The following MAPK10 variants were observed in gnomAD, a reference collection of about 807,000 sequenced individuals.
MAPK10 encodes mitogen-activated protein kinase 10.
In MAPK10, 25 loss-of-function variants were observed where a neutral mutation model predicts 59.3. The ratio of observed to expected loss-of-function variants is 0.42; its 90% CI spans 0.31 to 0.59. MAPK10 has a LOEUF of 0.59. Among genes scored for constraint, MAPK10 ranks in the 20% least tolerant of loss-of-function variants. MAPK10 has a pLI of 0.15. For synonymous variants in MAPK10, 190 were observed against 200.5 expected (o/e 0.95, Z 0.44); for missense variants, 351 against 568.9 (o/e 0.62, Z 3.90).
chr4:86,445,132 C>A (rs1003158102), intron 1 of MAPK10, among the ~76,000 whole-genome samples: 1 of 152,098 alleles, frequency 6.6e-6, no homozygotes, highest in South Asian at 2.1e-4. Context: ...ATGTTCATTG[C>A]AGCATTATTC....
At chr4:86,419,572 G>A (rs992389772) in intron 1 of MAPK10, among the ~76,000 whole-genome samples, 6 of 152,062 alleles carry the variant, frequency 3.9e-5, no homozygotes, top group African/African-American at 1.4e-4. Context: ...AAATTAAGTT[G>A]CTTCATCACT....
chr4:86,317,289 A>T (rs1436617313), intron 2 of MAPK10, among the ~76,000 whole-genome samples: 1 of 152,106 alleles, frequency 6.6e-6, no homozygotes, highest in Non-Finnish European at 1.5e-5. Flanking sequence ...TCAGCCTCCC[A>T]TGCATCTGAG....
chr4:86,010,869 C>A lies in MAPK10; in HGVS notation c.*6359G>T, dbSNP rs1196937785. On this transcript the variant is annotated 3_prime_UTR_variant, in exon 14 of 14. Coordinates refer to ENST00000641462, the MANE Select transcript of MAPK10 (RefSeq NM_138982.4). The stretch of plus-strand genomic sequence containing the variant: ...ACATTTTGTACCTGCTTTTGAGTTG[C>A]AAATGATCTGGACTGTTGGTTAAAC... 1.3e-5 allele frequency: 2 copies of A among 152,110 alleles called. No individual in the cohort carries two copies. 9.4% of individuals were successfully genotyped at this position (152,110 alleles called of 1,614,324 possible). A position where few individuals can be genotyped will look rare whatever the true frequency, so the allele number is the denominator to read the frequency against.
At chr4:86,315,472 T>G (rs936191588) in intron 2 of MAPK10, among the ~76,000 whole-genome samples, 3 of 152,120 alleles carry the variant, frequency 2.0e-5, no homozygotes, top group African/African-American at 7.2e-5. Flanking sequence ...GATGTGATTA[T>G]TATGCATTAC....
At chr4:86,361,780 G>A (rs1187304230), upstream of MAPK10, among the ~76,000 whole-genome samples, 3 of 152,056 alleles carry the variant, frequency 2.0e-5, no homozygotes, top group Non-Finnish European at 4.4e-5. Flanking sequence ...AATAAGCCAG[G>A]CACAGTGAGA....
intron 1 of MAPK10, among the ~76,000 whole-genome samples, chr4:86,509,691 T>C (rs141126044): frequency 6.6e-6 from 1 of 152,328 alleles, no homozygotes; most frequent in African/African-American, 2.4e-5. Context: ...GTGAGATTTA[T>C]TTAAAACCAA....
intron 1 of MAPK10, among the ~76,000 whole-genome samples, chr4:86,551,073 G>A (rs1252238340): frequency 6.6e-6 from 1 of 152,156 alleles, no homozygotes; most frequent in Non-Finnish European, 1.5e-5. Context: ...ACACAATAAT[G>A]CCACCCATAG....
intron 3 of MAPK10, among the ~76,000 whole-genome samples, chr4:86,188,987 C>T (rs1014455655): frequency 2.0e-5 from 3 of 152,150 alleles, no homozygotes; most frequent in South Asian, 2.1e-4. Context: ...CCAGTTTTCC[C>T]AACACCATTT....
At chr4:86,281,464 T>G (rs1367626560) in intron 2 of MAPK10, among the ~76,000 whole-genome samples, 1 of 151,864 alleles carries the variant, frequency 6.6e-6, no homozygotes, top group Admixed American at 6.6e-5. Context: ...TCACGTTCAC[T>G]GCACTCTAGA....
intron 2 of MAPK10, among the ~76,000 whole-genome samples, chr4:86,291,792 T>C (rs1330749233): frequency 6.6e-6 from 1 of 152,132 alleles, no homozygotes; most frequent in Non-Finnish European, 1.5e-5. Context: ...AAGGAAAAAA[T>C]GACTCATTTT....
chr4:86,405,462 T>A (rs1011429830), intron 1 of MAPK10, among the ~76,000 whole-genome samples: 1 of 152,202 alleles, frequency 6.6e-6, no homozygotes, highest in African/African-American at 2.4e-5. Flanking sequence ...GGTACCAGTA[T>A]AATTTGATTT....
At chr4:86,054,725 T>G (rs766388113) in intron 11 of MAPK10, among the ~76,000 whole-genome samples, 1 of 152,092 alleles carries the variant, frequency 6.6e-6, no homozygotes, top group South Asian at 2.1e-4. Context: ...CTACTTAGAG[T>G]TCAACTCCAC....
At chr4:86,338,104 C>G (rs1318604406) in intron 2 of MAPK10, among the ~76,000 whole-genome samples, 1 of 152,092 alleles carries the variant, frequency 6.6e-6, no homozygotes, top group Non-Finnish European at 1.5e-5. Flanking sequence ...CCCCACTTCC[C>G]CTCCCACACA....
intron 2 of MAPK10, among the ~76,000 whole-genome samples, chr4:86,196,963 C>T (rs1419699912): frequency 6.6e-6 from 1 of 152,084 alleles, no homozygotes; most frequent in Admixed American, 6.6e-5. Context: ...GTTACTGTAG[C>T]CTTGTAGTAT....
intron 1 of MAPK10, among the ~76,000 whole-genome samples, chr4:86,440,627 CAA>C (rs59183601): frequency 7.4e-4 from 80 of 108,548 alleles, no homozygotes; most frequent in East Asian, 1.6e-3. Context: ...GATCCTGTCT[CAA>C]AAAAAAAAAA....
chr4:86,430,293 T>C (rs1465631898), intron 1 of MAPK10, among the ~76,000 whole-genome samples: 1 of 152,232 alleles, frequency 6.6e-6, no homozygotes, highest in Non-Finnish European at 1.5e-5. Context: ...ATTAAATGTA[T>C]CAATGGTTTT....
intron 1 of MAPK10, among the ~76,000 whole-genome samples, chr4:86,436,499 C>G (rs966078389): frequency 6.6e-6 from 1 of 152,046 alleles, no homozygotes; most frequent in Admixed American, 6.5e-5. Flanking sequence ...GTATAGGCAC[C>G]AATGTAGCCT....
chr4:86,414,770 A>G (rs1745648767), intron 1 of MAPK10, among the ~76,000 whole-genome samples: 1 of 152,100 alleles, frequency 6.6e-6, no homozygotes, highest in Non-Finnish European at 1.5e-5. Context: ...TCCCCTAAAA[A>G]GGATATTTAT....
intron 1 of MAPK10, among the ~76,000 whole-genome samples, chr4:86,452,815 C>T (rs1228959383): frequency 6.6e-6 from 1 of 152,068 alleles, no homozygotes; most frequent in African/African-American, 2.4e-5. Context: ...AGGCTTGCAT[C>T]GTGAACTTTT....
Sources: allele counts gnomAD v4.1 joint callset (sites outside exome capture counted in the v4.1 genomes callset), GRCh38; gene constraint gnomAD v4.1.1; transcripts MANE v1.5; gene names NCBI Gene and HGNC (gene_info 2026-07-23, HGNC 2026-07-21).